CENPF: variants seen among roughly 807,000 people sequenced by gnomAD.
CENPF encodes AH antigen.
Under a neutral mutation model 307.3 loss-of-function variants are expected in CENPF, and 214 were observed. The ratio of observed to expected loss-of-function variants is 0.70; its 90% CI spans 0.62 to 0.78. The LOEUF (loss-of-function observed/expected upper bound fraction) is 0.78. Ranked by LOEUF, CENPF falls within the 30% of genes least tolerant of loss-of-function variation. The pLI, the probability that CENPF is intolerant of heterozygous loss-of-function variation, is 0.00. For missense variants in CENPF, 3,401 were observed against 3,483.9 expected (o/e 0.98, Z 0.60); for synonymous variants, 1,259 against 1,270.6 (o/e 0.99, Z 0.19).
intron 1 of CENPF, among the ~76,000 whole-genome samples, chr1:214,604,452 G>A (rs1206395028): frequency 2.0e-5 from 3 of 152,026 alleles, no homozygotes; most frequent in Admixed American, 6.5e-5. Context: ...ATCCCTTAAT[G>A]GGCCAAAATC....
At chr1:214,643,465 T>G (rs966361951) in intron 12 of CENPF, 141 bp downstream of exon 12, 23 of 698,960 alleles carry the variant, frequency 3.3e-5, no homozygotes, top group Admixed American at 1.1e-4. Flanking sequence ...ACCAAAATAT[T>G]TTCAAAACAA....
intron 3 of CENPF, among the ~76,000 whole-genome samples, chr1:214,618,036 G>T (rs558853033): frequency 1.3e-5 from 2 of 152,130 alleles, no homozygotes; most frequent in Non-Finnish European, 2.9e-5. Context: ...TAGCGGAAGG[G>T]GAAGCAAACA....
At chr1:214,607,875 C>T (rs1245657184) in intron 1 of CENPF, among the ~76,000 whole-genome samples, 1 of 152,190 alleles carries the variant, frequency 6.6e-6, no homozygotes, top group East Asian at 1.9e-4. Context: ...CCAAGCTCCG[C>T]AGCCACAGGG....
chr1:214,657,592 T>G (rs1412515835), intron 18 of CENPF, among the ~76,000 whole-genome samples, 183 bp downstream of exon 18: 1 of 152,256 alleles, frequency 6.6e-6, no homozygotes, highest in African/African-American at 2.4e-5. Context: ...ATCTAATTAC[T>G]TGTGTCACAT....
In CENPF at chr1:214,633,934, C is replaced by T. The variant is rs139947611; in HGVS notation, c.1446+1332C>T. On this transcript the variant is annotated intron_variant, in intron 10 of 19. Coordinates refer to ENST00000366955, the MANE Select transcript of CENPF (RefSeq NM_016343.4). ...CTTCCCTTTCAGCCAGGAACTCTCC[C>T]GCGACTCCACTGGCTGCCTGGTGGA... Among the ~76,000 whole-genome samples the T allele has an allele frequency of 3.7e-3, 563 of 152,298 alleles. 3 individuals are homozygous for T. The highest frequency in any genetic ancestry group is 6.9e-3 in the Admixed American group (106 of 15,306).
chr1:214,649,177 G>C (rs568270039), intron 14 of CENPF, among the ~76,000 whole-genome samples: 7 of 152,298 alleles, frequency 4.6e-5, no homozygotes, highest in African/African-American at 1.7e-4. Context: ...ACAGATTACA[G>C]GGTGGAATGT....
rs1658283025 is a variant in CENPF, at chr1:214,645,916, C to T, written c.6346C>T (p.Gln2116Ter). ...GAGCTCAACACAGGAGGAAGTGCAT[C>T]AGCTGAGAAGAGGCATCGAGAAACT... ...RLSSTQEEVH[Q>*]LRRGIEKLRV... Residue 2116 changes from glutamine to a stop codon, truncating the protein, a stop_gained, in exon 13 of 20, where the codon CAG becomes TAG. Coordinates refer to ENST00000366955, the MANE Select transcript of CENPF (RefSeq NM_016343.4). LOFTEE classifies it high-confidence loss of function. 2 of 1,614,134 alleles carry T rather than the reference C, an allele frequency of 1.2e-6. No individual in the cohort carries two copies. The highest frequency in any genetic ancestry group is 1.7e-6 in the Non-Finnish European group (2 of 1,180,034).
chr1:214,615,166 T>C (rs1033271027), intron 3 of CENPF, 138 bp downstream of exon 3: 23 of 527,966 alleles, frequency 4.4e-5, no homozygotes, highest in African/African-American at 4.3e-4. Flanking sequence ...TCGGTCTCTG[T>C]ACCGTAACTT....
Position 214,653,309 on chromosome 1 carries a change from G to C in CENPF, c.8322+320G>C, listed in dbSNP as rs74448716. On this transcript the variant is annotated intron_variant, in intron 16 of 19. Transcript: ENST00000366955. ...CCTCTTAAGCTATAGAAAACAGTCT[G>C]ACGGGCAATTCCAAAATCTTGAATG... Among the ~76,000 whole-genome samples, 1,019 of 152,254 alleles carry C rather than the reference G, an allele frequency of 6.7e-3. 19 individuals are homozygous for C. The highest frequency in any genetic ancestry group is 0.024 in the African/African-American group (982 of 41,550).
At chr1:214,652,195 C>T (rs1459704846) in intron 15 of CENPF, among the ~76,000 whole-genome samples, 1 of 151,034 alleles carries the variant, frequency 6.6e-6, no homozygotes, top group African/African-American at 2.4e-5. Flanking sequence ...GCCACCACGC[C>T]CGGCTAATTT....
At chr1:214,632,447 A>G (rs914720148) in intron 9 of CENPF, 33 bp from the exon 10 acceptor site, 1 of 1,600,706 alleles carries the variant, frequency 6.2e-7, no homozygotes, top group African/African-American at 1.3e-5. Context: ...AAAGAACATG[A>G]AAATGAAACT....
Position 214,658,845 on chromosome 1 carries a change from C to T in CENPF, c.8963-5C>T. 1 of 1,610,696 alleles carries T rather than the reference C, an allele frequency of 6.2e-7. No homozygotes were observed. The highest frequency in any genetic ancestry group is 1.1e-5 in the South Asian group (1 of 90,516). On this transcript the variant is annotated splice_polypyrimidine_tract_variant and splice_region_variant and intron_variant, in intron 18 of 19. Transcript: ENST00000366955. ...AGTGCTGACAGTTATTTTTTTTGCCCTTAGGGTTTGCTGACATCCCGACAG... is the reference window on the plus strand; with the variant it reads ...AGTGCTGACAGTTATTTTTTTTGCCTTTAGGGTTTGCTGACATCCCGACAG...
intron 5 of CENPF, among the ~76,000 whole-genome samples, chr1:214,620,103 G>T (rs1193158888): frequency 6.6e-6 from 1 of 152,132 alleles, no homozygotes; most frequent in Non-Finnish European, 1.5e-5. Flanking sequence ...CTTGATATTT[G>T]TCAGAATGGA....
chr1:214,635,873 C>T (rs562892538), intron 10 of CENPF, among the ~76,000 whole-genome samples: 2 of 152,230 alleles, frequency 1.3e-5, no homozygotes, highest in South Asian at 2.1e-4. Flanking sequence ...TTCCCTGGTG[C>T]CCTCTCTCTC....
At chr1:214,614,663 T>A (rs1378645041) in intron 2 of CENPF, among the ~76,000 whole-genome samples, 169 bp from the exon 3 acceptor site, 1 of 152,202 alleles carries the variant, frequency 6.6e-6, no homozygotes, top group Admixed American at 6.5e-5. Flanking sequence ...CAAAGAAGTT[T>A]CCTATCTATT....
At chr1:214,655,558 G>T (rs574510799) in intron 17 of CENPF, among the ~76,000 whole-genome samples, 155 bp downstream of exon 17, 3 of 152,168 alleles carry the variant, frequency 2.0e-5, no homozygotes, top group Non-Finnish European at 4.4e-5. Context: ...TCTGAATTTT[G>T]TGCTTATCTT....
intron 2 of CENPF, among the ~76,000 whole-genome samples, chr1:214,614,407 C>G (rs1326855299): frequency 6.6e-6 from 1 of 152,068 alleles, no homozygotes; most frequent in Non-Finnish European, 1.5e-5. Flanking sequence ...CTAAACAGTA[C>G]TTTTTAAAAA....
rs1430251507 is a variant in CENPF, at chr1:214,643,121, C to G, written c.4783C>G (p.Leu1595Val). Reference sequence around the variant, plus strand: ...GTTATTAAGTTCTGAAAGGCAAGAGCTTGACTGCCTTAGGAAGCAGTATTT... The same window carrying G: ...GTTATTAAGTTCTGAAAGGCAAGAGGTTGACTGCCTTAGGAAGCAGTATTT... The part of the protein sequence containing the change: ...EQLLSSERQE[L>V]DCLRKQYLSE... The change falls in exon 12 of 20, where the codon CTT becomes GTT. Residue 1595 changes from leucine to valine, a missense_variant. Physicochemically the swap from Leu to Val is conservative, Grantham distance 32 (BLOSUM62 1). Transcript: ENST00000366955. 6.2e-7 allele frequency: 1 copy of G among 1,601,282 alleles called. No homozygotes were observed. The highest frequency in any genetic ancestry group is 2.2e-5 in the East Asian group (1 of 44,806).
At chr1:214,632,450 A>G (rs1475889175) in intron 9 of CENPF, 30 bp from the exon 10 acceptor site, 1 of 1,602,108 alleles carries the variant, frequency 6.2e-7, no homozygotes, top group Admixed American at 1.7e-5. Context: ...GAACATGAAA[A>G]TGAAACTTGG....
Sources: gnomAD v4.1 joint callset for allele counts (sites outside exome capture counted in the v4.1 genomes callset) on GRCh38, gnomAD v4.1.1 for gene constraint, MANE v1.5 for transcripts, NCBI Gene and HGNC (gene_info 2026-07-23, HGNC 2026-07-21) for gene names.